Variants in ENOX2 observed in about 807,000 individuals in gnomAD.
The protein encoded by ENOX2 is ecto-NOX disulfide-thiol exchanger 2.
ENOX2 carries 36 observed loss-of-function variants against 45.0 expected under a neutral mutation model. The ratio of observed to expected loss-of-function variants is 0.80; its 90% CI spans 0.61 to 1.06. ENOX2 has a LOEUF of 1.06. Ranked by LOEUF, ENOX2 falls within the 50% of genes least tolerant of loss-of-function variation. ENOX2 has a pLI of 0.00. For missense variants in ENOX2, 423 were observed against 462.5 expected (o/e 0.91, Z 0.78); for synonymous variants, 174 against 152.3 (o/e 1.14, Z -1.05).
intron 2 of ENOX2, among the ~76,000 whole-genome samples, chrX:130,864,958 G>A (rs749610116): frequency 5.4e-5 from 6 of 110,692 alleles, no homozygotes; most frequent in Non-Finnish European, 1.1e-4. Flanking sequence ...GTTGCAATGA[G>A]CCGAGATCAT....
chrX:130,890,435 T>C (rs1421676055), intron 2 of ENOX2, among the ~76,000 whole-genome samples: 1 of 111,765 alleles, frequency 8.9e-6, no homozygotes, highest in Non-Finnish European at 1.9e-5. Context: ...CAAATGAATT[T>C]CCATCACTAG....
At chrX:130,692,815 T>C (rs1603307425) in intron 4 of ENOX2, among the ~76,000 whole-genome samples, 1 of 108,691 alleles carries the variant, frequency 9.2e-6, no homozygotes, top group African/African-American at 3.4e-5. Flanking sequence ...GTCTCAAACT[T>C]CTGACCTCAA....
chrX:130,826,817 G>C (rs1436890572), intron 2 of ENOX2, among the ~76,000 whole-genome samples: 1 of 111,591 alleles, frequency 9.0e-6, no homozygotes, highest in Admixed American at 9.6e-5. Flanking sequence ...AAAATAAATG[G>C]TCATTATTCA....
Position 130,857,005 on chromosome X carries a change from T to A in ENOX2, c.-183+44679A>T, listed in dbSNP as rs767518773. 1.2e-4 allele frequency among the ~76,000 whole-genome samples: 14 copies of A among 112,099 alleles called. No individual in the cohort carries two copies. In the South Asian group the frequency reaches 4.8e-3, roughly 39 times the overall value. On this transcript the variant is annotated intron_variant, in intron 2 of 14. Coordinates refer to ENST00000394363, the MANE Select transcript of ENOX2 (RefSeq NM_006375.4). Reference sequence around the variant, plus strand: ...TGGAATATATAGCAATAAGGGCTTATATGTTCATAGCAGACTTATTCATAA... The same window carrying A: ...TGGAATATATAGCAATAAGGGCTTAAATGTTCATAGCAGACTTATTCATAA...
intron 4 of ENOX2, among the ~76,000 whole-genome samples, chrX:130,692,576 C>T (rs2037632269): frequency 9.3e-6 from 1 of 107,881 alleles, no homozygotes; most frequent in African/African-American, 3.4e-5. Context: ...TATTATCTCT[C>T]TCTGTTTTTT....
At chrX:130,629,482 C>T (rs915362540) in intron 13 of ENOX2, among the ~76,000 whole-genome samples, 1 of 112,650 alleles carries the variant, frequency 8.9e-6, no homozygotes, top group Non-Finnish European at 1.9e-5. Flanking sequence ...ACTATCCATT[C>T]ACAGAGGCTT....
At chrX:130,822,528 C>CA (rs1489526622) in intron 2 of ENOX2, among the ~76,000 whole-genome samples, 1 of 109,178 alleles carries the variant, frequency 9.2e-6, no homozygotes, top group African/African-American at 3.4e-5. Context: ...ATCCCAAGGA[C>CA]AAAAAACCAA....
chrX:130,669,129 T>C (rs781323047), intron 7 of ENOX2, among the ~76,000 whole-genome samples: 4 of 111,936 alleles, frequency 3.6e-5, no homozygotes, highest in Admixed American at 1.9e-4. Flanking sequence ...CTTGATGAGT[T>C]GAGAACACAA....
chrX:130,823,614 T>A (rs1216940303), intron 2 of ENOX2, among the ~76,000 whole-genome samples: 1 of 111,998 alleles, frequency 8.9e-6, no homozygotes, highest in Non-Finnish European at 1.9e-5. Flanking sequence ...TATTAGACCT[T>A]CTGTTCTTTA....
At chrX:130,665,214 A>C (rs969584985) in intron 9 of ENOX2, among the ~76,000 whole-genome samples, 2 of 112,185 alleles carry the variant, frequency 1.8e-5, no homozygotes, top group African/African-American at 3.2e-5. Context: ...TTGATAAAAG[A>C]AGCTCAGAAA....
At chrX:130,705,849 G>T (rs781540277) in intron 3 of ENOX2, among the ~76,000 whole-genome samples, 1 of 111,509 alleles carries the variant, frequency 9.0e-6, no homozygotes, top group South Asian at 3.8e-4. Context: ...TCTATGAGGC[G>T]GGAAGCACAC....
Position 130,631,572 on chromosome X carries a change from C to G in ENOX2, c.1424G>C (p.Ser475Thr), listed in dbSNP as rs1719955353. The G allele has an allele frequency of 8.6e-7, 1 of 1,160,783 alleles. No homozygotes were observed. Among genetic ancestry groups the G allele is most frequent in the Non-Finnish European group, 1.2e-6 (1 of 849,258 alleles). Residue 475 changes from serine (S) to threonine (T), a missense_variant, in exon 13 of 15, where the codon AGC (serine) becomes ACC (threonine). Ser to Thr is a moderately conservative substitution (Grantham distance 58). Coordinates refer to ENST00000394363, the MANE Select transcript of ENOX2 (RefSeq NM_006375.4). The part of the protein sequence containing the change: ...KMLENLKEKE[S>T]CASRLCASNQ... ...TGAGGCACACAGCCTAGAAGCACAG[C>G]TTTCCTGTGGACACAACATGCTTCT...
rs1246712488 is a variant in ENOX2, at chrX:130,817,304, A to G, written c.-182-33614T>C. 3.6e-5 allele frequency among the ~76,000 whole-genome samples: 4 copies of G among 112,012 alleles called. No individual in the cohort carries two copies. In the Admixed American group the frequency reaches 3.8e-4, roughly 11 times the overall value. On this transcript the variant is annotated intron_variant, in intron 2 of 14. Transcript: ENST00000394363. ...GCCTACCAACCAAAAAAAGCCCAGA[A>G]CCAGATGGATTCACAGCCAAATTCT... is the stretch of plus-strand genomic sequence containing the variant.
intron 3 of ENOX2, among the ~76,000 whole-genome samples, chrX:130,716,454 T>G (rs1394384547): frequency 8.9e-6 from 1 of 112,281 alleles, no homozygotes; most frequent in Non-Finnish European, 1.9e-5. Context: ...CTCTCTCTCC[T>G]GATCCCCCCA....
At chrX:130,639,687 A>G (rs1168742753) in intron 10 of ENOX2, among the ~76,000 whole-genome samples, 3 of 111,969 alleles carry the variant, frequency 2.7e-5, no homozygotes, top group African/African-American at 9.7e-5. Context: ...TCTTTAAAGA[A>G]AAAATTAGAC....
Position 130,656,383 on chromosome X carries a change from T to C in ENOX2, c.1129+198A>G, listed in dbSNP as rs143214159. Among the ~76,000 whole-genome samples, 565 of 112,302 alleles carry C rather than the reference T, an allele frequency of 5.0e-3. 6 individuals carry two copies. Among genetic ancestry groups the C allele is most frequent in the African/African-American group, 0.016 (509 of 30,945 alleles). Reference sequence around the variant, plus strand: ...TAGGCACTTCAATGCAAGGTATGGATAAGTGAAAACCACAGAAAATCCTGT... The same window carrying C: ...TAGGCACTTCAATGCAAGGTATGGACAAGTGAAAACCACAGAAAATCCTGT... On this transcript the variant is annotated intron_variant, in intron 10 of 14. Transcript: ENST00000394363.
chrX:130,633,653 T>C (rs757745651), intron 12 of ENOX2, among the ~76,000 whole-genome samples: 2 of 112,472 alleles, frequency 1.8e-5, no homozygotes, highest in East Asian at 5.6e-4. Context: ...AGCAGAAAGC[T>C]ACTTACACAA....
intron 2 of ENOX2, among the ~76,000 whole-genome samples, chrX:130,794,659 G>A (rs919716027): frequency 8.0e-5 from 9 of 112,809 alleles, no homozygotes; most frequent in African/African-American, 2.9e-4. Context: ...TTCAGTGTAA[G>A]ATGTTTTGAA....
chrX:130,707,197 C>T (rs2038059432), intron 3 of ENOX2, among the ~76,000 whole-genome samples: 1 of 111,743 alleles, frequency 8.9e-6, no homozygotes. Flanking sequence ...CTTTAAAATA[C>T]CTACCCCAAG....
Sources: allele counts gnomAD v4.1 joint callset (sites outside exome capture counted in the v4.1 genomes callset), GRCh38; gene constraint gnomAD v4.1.1; transcripts MANE v1.5; gene names NCBI Gene and HGNC (gene_info 2026-07-23, HGNC 2026-07-21).